Variants in PTPRS observed in about 807,000 individuals in gnomAD.
The protein encoded by PTPRS is receptor-type tyrosine-protein phosphatase S.
PTPRS carries 63 observed loss-of-function variants against 215.3 expected under a neutral mutation model. That is an observed-to-expected ratio of 0.29 (90% CI 0.24 to 0.36). The LOEUF is 0.36. Among genes scored for constraint, PTPRS ranks in the 10% least tolerant of loss-of-function variants. The pLI is 1.00. For synonymous variants in PTPRS, 1,404 were observed against 1,191.4 expected, an observed-to-expected ratio of 1.18 and a Z score of -3.68; for missense variants, 2,258 against 2,825.8, an observed-to-expected ratio of 0.80 and a Z score of 4.56.
chr19:5,222,048 A>C (rs1243650594), intron 19 of PTPRS, 75 bp downstream of exon 19: 1 of 1,257,928 alleles, frequency 7.9e-7, no homozygotes, highest in Non-Finnish European at 1.2e-6. Flanking sequence ...CCAACTCCAA[A>C]CTGAGCCTTA....
chr19:5,314,078 A>G (rs758322048), intron 1 of PTPRS, among the ~76,000 whole-genome samples: 38 of 152,192 alleles, frequency 2.5e-4, no homozygotes, highest in Admixed American at 1.7e-3. Context: ...TCGAGGCTGC[A>G]GTGAGCTACA....
chr19:5,237,913 C>G lies in PTPRS; in HGVS notation c.1849+1006G>C, dbSNP rs954948586. Among the ~76,000 whole-genome samples, 1 of 152,144 alleles carries G rather than the reference C, an allele frequency of 6.6e-6. No individual in the cohort carries two copies. Among genetic ancestry groups the G allele is most frequent in the African/African-American group, 2.4e-5 (1 of 41,440 alleles). ...CCCCCGATCCCAGCGGCTCAGATGC[C>G]CCGGCTGGAGTTGATGTTAACCCTT... On this transcript the variant is annotated intron_variant, in intron 13 of 37. Coordinates refer to ENST00000262963, the MANE Select transcript of PTPRS (RefSeq NM_002850.4). The surrounding 1 kb of genome is among the most constrained non-coding windows in gnomAD (Gnocchi z 4.2).
At position 5,257,627 on chromosome 19, in the gene PTPRS, A is replaced by C. The variant is rs2045666682; in HGVS notation, c.706+390T>G. ...CACACAGCACGGGAAGGCACGACAC[A>C]CCACAGAAGCCAACTCGGGTGGGCA... On this transcript the variant is annotated intron_variant, in intron 8 of 37. Transcript: ENST00000262963. This position sits in a 1 kb window ranked among gnomAD's most constrained non-coding sequence, Gnocchi z 4.4. Among the ~76,000 whole-genome samples the C allele has an allele frequency of 6.6e-6, 1 of 151,954 alleles. No homozygotes were observed. The highest frequency in any genetic ancestry group is 2.4e-5 in the African/African-American group (1 of 41,380).
At position 5,339,262 on chromosome 19, in the gene PTPRS, A is replaced by C. The variant is rs1367866214; in HGVS notation, c.-95+1402T>G. Among the ~76,000 whole-genome samples the C allele has an allele frequency of 6.6e-6, 1 of 151,346 alleles. No homozygotes were observed. Among genetic ancestry groups the C allele is most frequent in the Non-Finnish European group, 1.5e-5 (1 of 67,858 alleles). ...AAGGCACCCCCAATGAGGCTCTGGGAGGTTTGTTAATTTGGGGGAATGAGG... is the reference window on the plus strand; with the variant it reads ...AAGGCACCCCCAATGAGGCTCTGGGCGGTTTGTTAATTTGGGGGAATGAGG... On this transcript the variant is annotated intron_variant, in intron 1 of 37. Coordinates refer to ENST00000262963, the MANE Select transcript of PTPRS (RefSeq NM_002850.4). The surrounding 1 kb of genome is among the most constrained non-coding windows in gnomAD (Gnocchi z 4.2).
chr19:5,314,778 C>G (rs947282065), intron 1 of PTPRS, among the ~76,000 whole-genome samples: 12 of 143,572 alleles, frequency 8.4e-5, no homozygotes, highest in African/African-American at 3.3e-4. Context: ...GGGCAGAGAG[C>G]TGAAGATTCG....
chr19:5,298,672 G>A (rs1022016177), intron 1 of PTPRS, among the ~76,000 whole-genome samples: 8 of 152,178 alleles, frequency 5.3e-5, no homozygotes, highest in Non-Finnish European at 5.9e-5. Flanking sequence ...GGGTCTACCC[G>A]CCAGCCGCAC....
In PTPRS at chr19:5,257,920, G is replaced by GC; in HGVS notation, c.706+96dup. ...GGGAGGGGCCTTCCTGCTTGGGTGT[G>GC]CAGGGGACGGGGGAGCCCGGAGGCG... is the stretch of plus-strand genomic sequence containing the variant. On this transcript the variant is annotated intron_variant, in intron 8 of 37. Transcript: ENST00000262963. The surrounding 1 kb of genome is among the most constrained non-coding windows in gnomAD (Gnocchi z 4.4). 1 of 1,040,060 alleles carries GC rather than the reference G, an allele frequency of 9.6e-7. No individual in the cohort carries two copies. Among genetic ancestry groups the GC allele is most frequent in the Non-Finnish European group, 1.4e-6 (1 of 699,442 alleles). 64.4% of individuals were successfully genotyped at this position (1,040,060 alleles called of 1,614,324 possible).
At chr19:5,329,547 C>T (rs1053479802) in intron 1 of PTPRS, among the ~76,000 whole-genome samples, 5 of 151,842 alleles carry the variant, frequency 3.3e-5, no homozygotes, top group African/African-American at 9.7e-5. Context: ...GGGCAGATCA[C>T]GAGGTCAGGA....
chr19:5,232,958 GGCGCCATGCCAAGGGGA>G (rs1276304836), intron 13 of PTPRS, among the ~76,000 whole-genome samples: 2 of 150,092 alleles, frequency 1.3e-5, no homozygotes, highest in Admixed American at 1.3e-4. Context: ...GTATGTGCCT[GGCGCCATGCCAAGGGGA>G]GCGGCAACAG....
intron 14 of PTPRS, 152 bp from the exon 15 acceptor site, chr19:5,229,836 C>G: frequency 2.2e-6 from 1 of 462,182 alleles, no homozygotes; most frequent in South Asian, 1.0e-4. Flanking sequence ...GGCGGGAGGA[C>G]ATGGCCTCCT....
Position 5,229,478 on chromosome 19 carries a change from G to A in PTPRS, c.2349+13C>T. On this transcript the variant is annotated intron_variant, in intron 15 of 37. Transcript: ENST00000262963. ...GGAGCCCGTCCCCGGCCCCGCCCCGGCCCCCCGCCCACCTGGGCATCGGCC... is the reference window on the plus strand; with the variant it reads ...GGAGCCCGTCCCCGGCCCCGCCCCGACCCCCCGCCCACCTGGGCATCGGCC... 7.1e-7 allele frequency: 1 copy of A among 1,408,660 alleles called. No homozygotes were observed. The highest frequency in any genetic ancestry group is 9.2e-7 in the Non-Finnish European group (1 of 1,085,300). 87.3% of individuals were successfully genotyped at this position (1,408,660 alleles called of 1,614,324 possible).
chr19:5,273,494 G>C lies in PTPRS; in HGVS notation c.327C>G (p.Ala109=). 6.2e-7 allele frequency: 1 copy of C among 1,614,152 alleles called. No individual in the cohort carries two copies. The highest frequency in any genetic ancestry group is 8.5e-7 in the Non-Finnish European group (1 of 1,180,038). The part of the protein sequence containing the change: ...PRDENVYECV[A]QNSVGEITVH... ...CTGTGATCTCCCCAACCGAGTTCTG[G>C]GCCACACACTCGTACACGTTTTCAT... The change falls in exon 4 of 38, where the codon GCC becomes GCG. Residue 109 remains alanine (A), a synonymous_variant. Transcript: ENST00000262963.
chr19:5,240,188 C>T lies in PTPRS; in HGVS notation c.1704+11G>A, dbSNP rs545102488. 24 of 1,531,114 alleles carry T rather than the reference C, an allele frequency of 1.6e-5. No homozygotes were observed. Among genetic ancestry groups the T allele is most frequent in the African/African-American group, 1.1e-4 (8 of 72,588 alleles). The allele number at this position is 1,531,114 out of a possible 1,614,324, so 94.8% of individuals were successfully genotyped here. A position where few individuals can be genotyped will look rare whatever the true frequency, so the allele number is the denominator to read the frequency against. On this transcript the variant is annotated intron_variant, in intron 12 of 37. Coordinates refer to ENST00000262963, the MANE Select transcript of PTPRS (RefSeq NM_002850.4). ...CCCAGGGCAGGCCAGCCCGTCCCCG[C>T]GCTGCCTCACCTCCCGGCCATGGTC...
At chr19:5,245,020 C>T (rs1599658851) in intron 10 of PTPRS, among the ~76,000 whole-genome samples, 1 of 145,832 alleles carries the variant, frequency 6.9e-6, no homozygotes, top group Admixed American at 7.0e-5. Context: ...TGCTCTGTCA[C>T]CCAGGCTGGA....
intron 1 of PTPRS, among the ~76,000 whole-genome samples, chr19:5,318,119 C>T (rs1449820204): frequency 1.3e-5 from 2 of 149,254 alleles, no homozygotes; most frequent in Non-Finnish European, 1.5e-5. Flanking sequence ...TGCAGTGAGC[C>T]GAGATCACGC....
chr19:5,289,960 C>T (rs1317153138), intron 1 of PTPRS, among the ~76,000 whole-genome samples: 1 of 152,214 alleles, frequency 6.6e-6, no homozygotes, highest in Admixed American at 6.5e-5. Flanking sequence ...GCAGCCTGGG[C>T]CACCAGCCTT....
chr19:5,268,490 G>A (rs1319268460), intron 4 of PTPRS, among the ~76,000 whole-genome samples: 1 of 151,886 alleles, frequency 6.6e-6, no homozygotes, highest in Non-Finnish European at 1.5e-5. Context: ...CATCTTGGGA[G>A]GAAACTGAGC....
At chr19:5,255,522 G>C (rs2045478482) in intron 9 of PTPRS, among the ~76,000 whole-genome samples, 1 of 151,278 alleles carries the variant, frequency 6.6e-6, no homozygotes, top group South Asian at 2.1e-4. Flanking sequence ...TGAAGGGAAT[G>C]GGAGGGGAAA....
rs539058203 is a variant in PTPRS, at chr19:5,237,086, C to T, written c.1849+1833G>A. On this transcript the variant is annotated intron_variant, in intron 13 of 37. Transcript: ENST00000262963. The surrounding 1 kb of genome is among the most constrained non-coding windows in gnomAD (Gnocchi z 4.2). ...AAAGACTTTCTTACGAGAGAGGGAA[C>T]GGCCGAGCGCTGAGCTACAAGGCCA... 2.5e-4 allele frequency among the ~76,000 whole-genome samples: 38 copies of T among 152,312 alleles called. 3 individuals are homozygous for T. The highest frequency in any genetic ancestry group is 5.2e-4 in the Admixed American group (8 of 15,306).
Sources: gnomAD v4.1 joint callset for allele counts (sites outside exome capture counted in the v4.1 genomes callset) on GRCh38, gnomAD v4.1.1 for gene constraint, Gnocchi (gnomAD v3.1) non-coding constraint, MANE v1.5 for transcripts, NCBI Gene and HGNC (gene_info 2026-07-23, HGNC 2026-07-21) for gene names.